Variants in ASNSD1 observed in about 807,000 individuals in gnomAD.
The protein encoded by ASNSD1 is asparagine synthetase domain containing 1.
ASNSD1 carries 36 observed loss-of-function variants against 48.3 expected under a neutral mutation model. The observed-to-expected ratio is 0.75, with a 90% confidence interval of 0.57 to 0.99. The LOEUF (loss-of-function observed/expected upper bound fraction) is 0.99. Among genes scored for constraint, ASNSD1 ranks in the 50% least tolerant of loss-of-function variants. ASNSD1 has a pLI of 0.00. For synonymous variants in ASNSD1, 257 were observed against 262.1 expected (o/e 0.98, Z 0.19); for missense variants, 714 against 758.2 (o/e 0.94, Z 0.69).
At chr2:189,668,944 A>C (rs72920433) in intron 5 of ASNSD1, among the ~76,000 whole-genome samples, 19 of 152,360 alleles carry the variant, frequency 1.2e-4, no homozygotes, top group Admixed American at 4.6e-4. Flanking sequence ...TAAAGAGCAA[A>C]AATTCATTCA....
At chr2:189,661,945 T>G (rs2032674945) in intron 1 of ASNSD1, among the ~76,000 whole-genome samples, 1 of 152,174 alleles carries the variant, frequency 6.6e-6, no homozygotes, top group African/African-American at 2.4e-5. Context: ...CTCCATCCAG[T>G]TAACCATGCC....
At chr2:189,662,705 G>A (rs1231335685) in intron 1 of ASNSD1, among the ~76,000 whole-genome samples, 1 of 152,112 alleles carries the variant, frequency 6.6e-6, no homozygotes, top group Non-Finnish European at 1.5e-5. Flanking sequence ...AGGCTCTTGT[G>A]ATACTATGTA....
rs144769459 is a variant in ASNSD1 at position 189,661,477 on chromosome 2, T to C, written c.-356T>C. 2.0e-5 allele frequency: 8 copies of C among 398,980 alleles called. No individual in the cohort carries two copies. The East Asian group carries it at 2.1e-4, about 11-fold the overall frequency. 24.7% of individuals were successfully genotyped at this position (398,980 alleles called of 1,614,324 possible). A position where few individuals can be genotyped will look rare whatever the true frequency, so the allele number is the denominator to read the frequency against. On this transcript the variant is annotated 5_prime_UTR_variant, in exon 1 of 6. Coordinates refer to ENST00000260952, the MANE Select transcript of ASNSD1 (RefSeq NM_019048.4). ...ATGCGCTGTGGCTAATGCCGTAGGC[T>C]CCTTCAGGGCTGAGCCATCCCGCGT...
At position 189,666,889 on chromosome 2, in the gene ASNSD1, T is replaced by C. The variant is rs3828267; in HGVS notation, c.757T>C (p.Leu253=). The C allele has an allele frequency of 0.07, 112,845 of 1,613,890 alleles. 7,305 individuals carry two copies. Among genetic ancestry groups the C allele is most frequent in the African/African-American group, 0.34 (25,482 of 74,954 alleles). Residue 253 remains leucine (L), a synonymous_variant, in exon 4 of 6, where the codon TTG becomes CTG. Transcript: ENST00000260952. The part of the protein sequence containing the change: ...PLNMMLPQAA[L]ETHCSNISNV... ...AAATATGATGTTGCCACAAGCTGCA[T>C]TGGAGACTCATTGCAGTAATATTTC...
Position 189,663,921 on chromosome 2 carries a change from G to A in ASNSD1, c.-202G>A, listed in dbSNP as rs536886938. 5.2e-6 allele frequency: 2 copies of A among 388,142 alleles called. No homozygotes were observed. Among genetic ancestry groups the A allele is most frequent in the Non-Finnish European group, 9.1e-6 (2 of 218,660 alleles). 24.0% of individuals were successfully genotyped at this position (388,142 alleles called of 1,614,324 possible). On this transcript the variant is annotated 5_prime_UTR_variant, in exon 2 of 6. Coordinates refer to ENST00000260952, the MANE Select transcript of ASNSD1 (RefSeq NM_019048.4). ...AATAGATTAAAGAACAAAAAATTGT[G>A]GTGGATGAACTTTCTAACCTTAAGA...
rs193167266 is a variant in ASNSD1, at chr2:189,666,534, T to G, written c.402T>G (p.Gly134=). The change falls in exon 4 of 6, where the codon GGT becomes GGG. Residue 134 remains glycine, a synonymous_variant. Transcript: ENST00000260952. ...CATCTAGTCATTATTTATGGTTTGG[T>G]AGGGATTTTTTTGGTCGCCGTAGCT... is the stretch of plus-strand genomic sequence containing the variant. The part of the protein sequence containing the change: ...YQASSHYLWF[G]RDFFGRRSLL... The G allele has an allele frequency of 3.1e-6, 5 of 1,613,864 alleles. No homozygotes were observed. Among genetic ancestry groups the G allele is most frequent in the Admixed American group, 3.3e-5 (2 of 59,958 alleles).
chr2:189,663,346 C>T (rs924617514), intron 1 of ASNSD1, among the ~76,000 whole-genome samples: 4 of 151,964 alleles, frequency 2.6e-5, no homozygotes, highest in Non-Finnish European at 5.9e-5. Context: ...CTCCGCCTCC[C>T]GGGTTCAAGC....
rs2032659748 is a variant in ASNSD1 at position 189,661,476 on chromosome 2, CTCCT to C, written c.-354_-351del. On this transcript the variant is annotated 5_prime_UTR_variant, in exon 1 of 6. Transcript: ENST00000260952. ...CATGCGCTGTGGCTAATGCCGTAGG[CTCCT>C]TCAGGGCTGAGCCATCCCGCGTGTC... 5.0e-6 allele frequency: 2 copies of C among 399,072 alleles called. No homozygotes were observed. Among genetic ancestry groups the C allele is most frequent in the South Asian group, 1.3e-4 (1 of 7,870 alleles). The allele number at this position is 399,072 out of a possible 1,614,324, so 24.7% of individuals were successfully genotyped here. A position where few individuals can be genotyped will look rare whatever the true frequency, so the allele number is the denominator to read the frequency against.
Position 189,667,835 on chromosome 2 carries a change from G to A in ASNSD1, c.1536G>A (p.Ser512=), listed in dbSNP as rs377666444. Residue 512 remains serine (S), a synonymous_variant, in exon 5 of 6, where the codon TCG becomes TCA. Transcript: ENST00000260952. ...CTCGTCATCGTGTCCGCTTTCAGTC[G>A]CATGGGCTGGAAGGATTGAATAAGG... is the stretch of plus-strand genomic sequence containing the variant. ...GYSRHRVRFQ[S]HGLEGLNKEI... is the part of the protein sequence containing the mutation. 5.3e-4 allele frequency: 855 copies of A among 1,613,964 alleles called. 7 individuals carry two copies. The South Asian group carries it at 8.7e-3, about 16-fold the overall frequency.
At chr2:189,663,239 A>ATT (rs1306867009) in intron 1 of ASNSD1, among the ~76,000 whole-genome samples, 3 of 146,350 alleles carry the variant, frequency 2.0e-5, no homozygotes, top group African/African-American at 7.6e-5. Flanking sequence ...ATATATATAT[A>ATT]TTTTTTAAAT....
intron 1 of ASNSD1, among the ~76,000 whole-genome samples, chr2:189,663,171 C>T (rs1210128343): frequency 1.3e-5 from 2 of 150,992 alleles, no homozygotes. Flanking sequence ...TTTTTTAAAT[C>T]TAAATCACAA....
intron 2 of ASNSD1, among the ~76,000 whole-genome samples, chr2:189,664,412 C>T (rs921701595): frequency 6.6e-6 from 1 of 152,136 alleles, no homozygotes; most frequent in African/African-American, 2.4e-5. Context: ...TTATTTAATG[C>T]CATTTCCATT....
At chr2:189,670,168 G>A (rs1485938878) in intron 5 of ASNSD1, among the ~76,000 whole-genome samples, 8 of 149,636 alleles carry the variant, frequency 5.3e-5, no homozygotes, top group Admixed American at 4.0e-4. Context: ...AGATTAGCTG[G>A]GTGCGGTAGT....
At position 189,667,685 on chromosome 2, in the gene ASNSD1, A is replaced by G. The variant is rs528665037; in HGVS notation, c.1465-79A>G. On this transcript the variant is annotated intron_variant, in intron 4 of 5. Coordinates refer to ENST00000260952, the MANE Select transcript of ASNSD1 (RefSeq NM_019048.4). ...AGCATTTTGATTGTAAGAATATAGC[A>G]TATTTTAGGTGCATTTATCTTATTT... 1.4e-4 allele frequency: 217 copies of G among 1,538,828 alleles called. 2 individuals carry two copies. Among genetic ancestry groups the G allele is most frequent in the Middle Eastern group, 8.8e-4 (5 of 5,682 alleles).
chr2:189,665,529 A>T (rs1242245614), intron 3 of ASNSD1, 78 bp downstream of exon 3: 1 of 368,552 alleles, frequency 2.7e-6, no homozygotes, highest in Non-Finnish European at 4.8e-6. Context: ...ATATCTAAAG[A>T]TTAATGCAGC....
At chr2:189,664,652 G>T (rs1022144420) in intron 2 of ASNSD1, among the ~76,000 whole-genome samples, 1 of 152,108 alleles carries the variant, frequency 6.6e-6, no homozygotes, top group South Asian at 2.1e-4. Context: ...AGGAGGCCGA[G>T]GCACAAGAAT....
chr2:189,662,548 G>T (rs2032691759), intron 1 of ASNSD1, among the ~76,000 whole-genome samples: 1 of 152,132 alleles, frequency 6.6e-6, no homozygotes, highest in Non-Finnish European at 1.5e-5. Context: ...ACAGAAAGGT[G>T]CACATTCATG....
Position 189,661,478 on chromosome 2 carries a change from C to G in ASNSD1, c.-355C>G. The stretch of plus-strand genomic sequence containing the variant: ...TGCGCTGTGGCTAATGCCGTAGGCT[C>G]CTTCAGGGCTGAGCCATCCCGCGTG... On this transcript the variant is annotated 5_prime_UTR_variant, in exon 1 of 6. Coordinates refer to ENST00000260952, the MANE Select transcript of ASNSD1 (RefSeq NM_019048.4). The G allele has an allele frequency of 2.5e-6, 1 of 399,172 alleles. No homozygotes were observed. 24.7% of individuals were successfully genotyped at this position (399,172 alleles called of 1,614,324 possible). A position where few individuals can be genotyped will look rare whatever the true frequency, so the allele number is the denominator to read the frequency against.
intron 5 of ASNSD1, among the ~76,000 whole-genome samples, chr2:189,669,234 C>T (rs2032874706): frequency 1.3e-5 from 2 of 152,174 alleles, no homozygotes; most frequent in Admixed American, 6.5e-5. Context: ...CAAGATTTCA[C>T]TATAAACTGA....
Sources: allele counts gnomAD v4.1 joint callset (sites outside exome capture counted in the v4.1 genomes callset), GRCh38; gene constraint gnomAD v4.1.1; transcripts MANE v1.5; gene names NCBI Gene and HGNC (gene_info 2026-07-23, HGNC 2026-07-21).